Variants in RSU1 observed in about 807,000 individuals in gnomAD.
RSU1 encodes the protein rsu-1.
A neutral mutation model predicts 31.1 loss-of-function variants in RSU1; 26 were observed. The ratio of observed to expected loss-of-function variants is 0.84; its 90% CI spans 0.61 to 1.16. The LOEUF is 1.16. RSU1 is among the 50% of genes most tolerant of loss of function. The pLI is 0.00. For missense variants in RSU1, 320 were observed against 339.1 expected (o/e 0.94, Z 0.44); for synonymous variants, 164 against 136.3 (o/e 1.20, Z -1.41).
At chr10:16,597,938 A>G (rs190108609) in intron 8 of RSU1, among the ~76,000 whole-genome samples, 22 of 152,354 alleles carry the variant, frequency 1.4e-4, no homozygotes, top group Middle Eastern at 3.4e-3. Context: ...CTAAGCGGCC[A>G]TAAGTGGCCG....
intron 8 of RSU1, among the ~76,000 whole-genome samples, chr10:16,659,632 C>G (rs559895395): frequency 2.0e-5 from 3 of 152,302 alleles, no homozygotes; most frequent in African/African-American, 7.2e-5. Context: ...TAATACCAGG[C>G]TGTCTTCGTT....
At chr10:16,679,605 A>C (rs1386601739) in intron 8 of RSU1, among the ~76,000 whole-genome samples, 1 of 152,198 alleles carries the variant, frequency 6.6e-6, no homozygotes, top group Non-Finnish European at 1.5e-5. Flanking sequence ...AAAGATGTGA[A>C]GAAAGAGCAT....
intron 7 of RSU1, among the ~76,000 whole-genome samples, chr10:16,721,979 G>A (rs1009106414): frequency 6.6e-6 from 1 of 152,158 alleles, no homozygotes; most frequent in Non-Finnish European, 1.5e-5. Context: ...CGTGACTATT[G>A]CTACTGCCAC....
chr10:16,597,037 A>C (rs1394463024), intron 8 of RSU1, among the ~76,000 whole-genome samples: 2 of 152,242 alleles, frequency 1.3e-5, no homozygotes, highest in African/African-American at 4.8e-5. Flanking sequence ...GGATTCTAAA[A>C]GTTGACAGAA....
intron 7 of RSU1, among the ~76,000 whole-genome samples, chr10:16,717,813 T>C (rs17139070): frequency 6.6e-6 from 1 of 152,028 alleles, no homozygotes; most frequent in Non-Finnish European, 1.5e-5. Context: ...AGGATCTACT[T>C]AGGCAACTTA....
chr10:16,635,761 A>G (rs904806534), intron 8 of RSU1, among the ~76,000 whole-genome samples: 1 of 152,080 alleles, frequency 6.6e-6, no homozygotes. Flanking sequence ...CTTGGAATAA[A>G]CTCTTCAAGG....
chr10:16,601,970 T>C (rs577885615), intron 8 of RSU1, among the ~76,000 whole-genome samples: 222 of 152,294 alleles, frequency 1.5e-3, no homozygotes, highest in African/African-American at 4.6e-3. Flanking sequence ...GGCTCACCCA[T>C]TGAAAAATGA....
At chr10:16,816,006 G>A (rs779251467) in intron 2 of RSU1, among the ~76,000 whole-genome samples, 4 of 152,176 alleles carry the variant, frequency 2.6e-5, no homozygotes, top group African/African-American at 7.2e-5. Flanking sequence ...TGTACATCAC[G>A]CCAAGAAACC....
intron 8 of RSU1, among the ~76,000 whole-genome samples, chr10:16,656,209 C>T (rs1007322793): frequency 3.3e-5 from 5 of 152,096 alleles, no homozygotes; most frequent in African/African-American, 1.2e-4. Flanking sequence ...TAATATTTGA[C>T]ATGTATCCTT....
intron 2 of RSU1, among the ~76,000 whole-genome samples, chr10:16,797,856 C>CTTCTTTTTTTTTT (rs1554775554): frequency 9.7e-6 from 1 of 103,508 alleles, no homozygotes; most frequent in Non-Finnish European, 2.0e-5. Context: ...GGGATTTCTT[C>CTTCTTTTTTTTTT]TTTTTTTTTT....
intron 7 of RSU1, among the ~76,000 whole-genome samples, chr10:16,698,569 G>T (rs1385446972): frequency 6.6e-6 from 1 of 152,170 alleles, no homozygotes; most frequent in Non-Finnish European, 1.5e-5. Flanking sequence ...GGTCAGCCAT[G>T]TTCTCTGGGC....
chr10:16,759,242 G>A lies in RSU1; in HGVS notation c.282-4253C>T, dbSNP rs552179299. ...AGGCCGAGCCCAGTAGCTCACGTCTGTAATCCCAGCACTTTGGAAGGCCAG... is the reference window on the plus strand; with the variant it reads ...AGGCCGAGCCCAGTAGCTCACGTCTATAATCCCAGCACTTTGGAAGGCCAG... On this transcript the variant is annotated intron_variant, in intron 4 of 8. Coordinates refer to ENST00000345264, the MANE Select transcript of RSU1 (RefSeq NM_012425.4). Among the ~76,000 whole-genome samples, 4 of 152,256 alleles carry A rather than the reference G, an allele frequency of 2.6e-5. No homozygotes were observed. In the South Asian group the frequency reaches 6.2e-4, roughly 24 times the overall value.
At chr10:16,778,391 C>T (rs1012678766) in intron 3 of RSU1, among the ~76,000 whole-genome samples, 2 of 152,182 alleles carry the variant, frequency 1.3e-5, no homozygotes, top group African/African-American at 2.4e-5. Flanking sequence ...CCTCTCTGCC[C>T]TTCCCTGTCA....
chr10:16,769,817 T>G (rs1405174753), intron 3 of RSU1, among the ~76,000 whole-genome samples: 1 of 152,242 alleles, frequency 6.6e-6, no homozygotes, highest in East Asian at 1.9e-4. Context: ...CCTGGGGAAC[T>G]GATGACACGT....
intron 7 of RSU1, among the ~76,000 whole-genome samples, chr10:16,729,557 C>T (rs1396224996): frequency 6.6e-6 from 1 of 152,112 alleles, no homozygotes; most frequent in Non-Finnish European, 1.5e-5. Flanking sequence ...CACTGATCTG[C>T]CCGCCCCCGT....
chr10:16,701,959 T>C (rs929943747), intron 7 of RSU1, among the ~76,000 whole-genome samples: 2 of 152,250 alleles, frequency 1.3e-5, no homozygotes, highest in African/African-American at 2.4e-5. Context: ...GTTTTAAACC[T>C]GGCATTCATT....
intron 4 of RSU1, among the ~76,000 whole-genome samples, chr10:16,762,969 C>T (rs1186210122): frequency 6.6e-6 from 1 of 151,180 alleles, no homozygotes; most frequent in Non-Finnish European, 1.5e-5. Flanking sequence ...GCCCAGATCG[C>T]CTGGTGACAA....
At chr10:16,750,520 T>C (rs1836956573) in intron 7 of RSU1, among the ~76,000 whole-genome samples, 1 of 152,198 alleles carries the variant, frequency 6.6e-6, no homozygotes, top group African/African-American at 2.4e-5. Context: ...TTAAAATATA[T>C]ACATAGGCAT....
At chr10:16,641,408 T>C (rs1423377848) in intron 8 of RSU1, among the ~76,000 whole-genome samples, 1 of 150,690 alleles carries the variant, frequency 6.6e-6, no homozygotes, top group South Asian at 2.1e-4. Flanking sequence ...AGAAGACTCG[T>C]ATGAACCCAA....
Sources: gnomAD v4.1 joint callset for allele counts (sites outside exome capture counted in the v4.1 genomes callset) on GRCh38, gnomAD v4.1.1 for gene constraint, MANE v1.5 for transcripts, NCBI Gene and HGNC (gene_info 2026-07-23, HGNC 2026-07-21) for gene names.